DCAF8: variants seen among roughly 807,000 people sequenced by gnomAD.
The protein encoded by DCAF8 is DDB1 and CUL4 associated factor 8.
DCAF8 carries 20 observed loss-of-function variants against 68.0 expected under a neutral mutation model. The ratio of observed to expected loss-of-function variants is 0.29; its 90% CI spans 0.21 to 0.43. The LOEUF (loss-of-function observed/expected upper bound fraction) is 0.43. DCAF8 is among the 20% of genes least tolerant of loss of function. The pLI is 1.00. For synonymous variants in DCAF8, 230 were observed against 276.9 expected, an observed-to-expected ratio of 0.83 and a Z score of 1.68; for missense variants, 460 against 771.0, an observed-to-expected ratio of 0.60 and a Z score of 4.78.
In DCAF8 at chr1:160,240,105, C is replaced by CTCCTCT. The variant is rs745776382; in HGVS notation, c.309_314dup (p.Glu111_Glu112dup). On this transcript the variant is annotated inframe_insertion, in exon 4 of 14. Coordinates refer to ENST00000368074, the MANE Select transcript of DCAF8 (RefSeq NM_015726.4). Reference sequence around the variant, plus strand: ...GCTGCTCTTCTTCCTCCTCTTCTTCCTCCTCTTCCTCTTCCTCTGAGCGGT... The same window carrying CTCCTCT: ...GCTGCTCTTCTTCCTCCTCTTCTTCCTCCTCTTCCTCTTCCTCTTCCTCTGAGCGGT... 2 of 1,595,888 alleles carry CTCCTCT rather than the reference C, an allele frequency of 1.3e-6. No individual in the cohort carries two copies. Among genetic ancestry groups the CTCCTCT allele is most frequent in the South Asian group, 1.1e-5 (1 of 90,834 alleles).
chr1:160,219,141 C>G lies in DCAF8; in HGVS notation c.1441-173G>C, dbSNP rs1346429041. Reference sequence around the variant, plus strand: ...CAAAGGGCACTGAGGGTAGAGAAACCAGACACAGACTGGGTATAAGACCAG... The same window carrying G: ...CAAAGGGCACTGAGGGTAGAGAAACGAGACACAGACTGGGTATAAGACCAG... On this transcript the variant is annotated intron_variant, in intron 11 of 13. Transcript: ENST00000368074. 7 of 769,318 alleles carry G rather than the reference C, an allele frequency of 9.1e-6. No homozygotes were observed. The Admixed American group carries it at 2.1e-4, about 23-fold the overall frequency. The allele number at this position is 769,318 out of a possible 1,614,324, so 47.7% of individuals were successfully genotyped here.
At chr1:160,251,600 G>GTT (rs1451581236) in intron 2 of DCAF8, among the ~76,000 whole-genome samples, 1 of 152,088 alleles carries the variant, frequency 6.6e-6, no homozygotes, top group Non-Finnish European at 1.5e-5. Flanking sequence ...AGCCCCTCCA[G>GTT]TAGCTGGGAC....
At chr1:160,247,282 G>A (rs1413210732) in intron 2 of DCAF8, among the ~76,000 whole-genome samples, 1 of 152,178 alleles carries the variant, frequency 6.6e-6, no homozygotes, top group Admixed American at 6.5e-5. Context: ...TAACCCACTG[G>A]AGGGTGAGGA....
intron 6 of DCAF8, 127 bp from the exon 7 acceptor site, chr1:160,231,534 T>C: frequency 1.5e-6 from 1 of 672,974 alleles, no homozygotes; most frequent in Non-Finnish European, 2.6e-6. Flanking sequence ...AAAGAAAGAA[T>C]TGTTGTGTTT....
chr1:160,236,288 A>G (rs1262205415), intron 6 of DCAF8, among the ~76,000 whole-genome samples: 2 of 151,964 alleles, frequency 1.3e-5, no homozygotes, highest in South Asian at 2.1e-4. Flanking sequence ...ACATACACGT[A>G]CGTATATATA....
In DCAF8 at chr1:160,225,572, G is replaced by T; in HGVS notation, c.1143+19C>A. The T allele has an allele frequency of 6.2e-7, 1 of 1,601,774 alleles. No individual in the cohort carries two copies. The highest frequency in any genetic ancestry group is 8.6e-7 in the Non-Finnish European group (1 of 1,169,576). On this transcript the variant is annotated intron_variant, in intron 8 of 13. Transcript: ENST00000368074. ...TGAGTCAGGGAAGCCTGCAGCAACT[G>T]GCCCTTCATGAATCTTACCAGGTGA...
In DCAF8 at chr1:160,239,474, T is replaced by C. The variant is rs570536157; in HGVS notation, c.723+223A>G. 1.2e-5 allele frequency: 17 copies of C among 1,451,842 alleles called. No individual in the cohort carries two copies. The South Asian group carries it at 2.2e-4, about 18-fold the overall frequency. The allele number at this position is 1,451,842 out of a possible 1,614,324, so 89.9% of individuals were successfully genotyped here. A position where few individuals can be genotyped will look rare whatever the true frequency, so the allele number is the denominator to read the frequency against. ...ACCAGCACACATTTAATAAGCTGCA[T>C]GCACCCTACCTATGAGGCTTCCAAC... On this transcript the variant is annotated intron_variant, in intron 4 of 13. Coordinates refer to ENST00000368074, the MANE Select transcript of DCAF8 (RefSeq NM_015726.4).
chr1:160,261,671 G>A (rs1246563583), intron 1 of DCAF8: 1 of 152,194 alleles, frequency 6.6e-6, no homozygotes, highest in Non-Finnish European at 1.5e-5. Flanking sequence ...CAGAGCAGGG[G>A]GGGAAATCCC....
intron 2 of DCAF8, among the ~76,000 whole-genome samples, chr1:160,259,979 A>G (rs1215111305): frequency 1.3e-5 from 2 of 152,232 alleles, no homozygotes; most frequent in South Asian, 2.1e-4. Flanking sequence ...AAGCTGACCA[A>G]TTAAAAATCA....
chr1:160,245,824 G>A (rs552207592), intron 2 of DCAF8, among the ~76,000 whole-genome samples: 1 of 152,082 alleles, frequency 6.6e-6, no homozygotes, highest in Non-Finnish European at 1.5e-5. Flanking sequence ...TCTCCATCTA[G>A]AGTTTAAAAT....
chr1:160,239,415 T>C, intron 4 of DCAF8: 1 of 1,422,178 alleles, frequency 7.0e-7, no homozygotes, highest in Non-Finnish European at 9.2e-7. Flanking sequence ...GGCAGTTTGG[T>C]TCAAGAGCCT....
At chr1:160,221,379 AG>A (rs1476127112) in intron 11 of DCAF8, among the ~76,000 whole-genome samples, 2 of 152,238 alleles carry the variant, frequency 1.3e-5, no homozygotes, top group African/African-American at 4.8e-5. Flanking sequence ...GAAATGAAGC[AG>A]GGAAGAGTGA....
At chr1:160,251,736 TGAGATTACAGGCAC>T (rs1656607600) in intron 2 of DCAF8, among the ~76,000 whole-genome samples, 1 of 152,142 alleles carries the variant, frequency 6.6e-6, no homozygotes, top group Non-Finnish European at 1.5e-5. Context: ...CCAAAATGCT[TGAGATTACAGGCAC>T]GAGCCACTGC....
intron 2 of DCAF8, among the ~76,000 whole-genome samples, chr1:160,258,719 C>T (rs1656940132): frequency 6.6e-6 from 1 of 151,652 alleles, no homozygotes; most frequent in African/African-American, 2.4e-5. Context: ...AGTTTGAGAC[C>T]AGCCTAGGCA....
At chr1:160,224,363 T>C (rs1256114541) in intron 10 of DCAF8, 79 bp downstream of exon 10, 1 of 1,060,326 alleles carries the variant, frequency 9.4e-7, no homozygotes, top group African/African-American at 1.6e-5. Flanking sequence ...TAGTTTCTAT[T>C]TGTATAACCT....
chr1:160,230,805 G>A (rs1655651895), intron 7 of DCAF8, among the ~76,000 whole-genome samples: 1 of 151,020 alleles, frequency 6.6e-6, no homozygotes, highest in African/African-American at 2.5e-5. Context: ...AGGCTGGAGT[G>A]CAGTGGCACA....
At chr1:160,221,194 T>G (rs2101715238) in intron 11 of DCAF8, 1 of 152,364 alleles carries the variant, frequency 6.6e-6, no homozygotes, top group South Asian at 2.1e-4. Context: ...GGAGAGGGCA[T>G]TCAGCCCTGC....
intron 1 of DCAF8, 156 bp downstream of exon 1, chr1:160,262,293 G>A (rs964950607): frequency 3.3e-5 from 13 of 399,162 alleles, no homozygotes; most frequent in African/African-American, 8.2e-5. Context: ...GTCAAGGGAG[G>A]GGGGGTGTCC....
rs115059279 is a variant in DCAF8 at position 160,221,864 on chromosome 1, T to G, written c.1440+787A>C. 6.1e-3 allele frequency among the ~76,000 whole-genome samples: 917 copies of G among 151,452 alleles called. 10 individuals carry two copies. The highest frequency in any genetic ancestry group is 0.021 in the African/African-American group (861 of 41,236). ...AAGATAAGGTTAACCAGATACATCT[T>G]AAGAGCTGATTGCTCTTCATTCCCT... On this transcript the variant is annotated intron_variant, in intron 11 of 13. Coordinates refer to ENST00000368074, the MANE Select transcript of DCAF8 (RefSeq NM_015726.4).
Sources: gnomAD v4.1 joint callset for allele counts (sites outside exome capture counted in the v4.1 genomes callset) on GRCh38, gnomAD v4.1.1 for gene constraint, MANE v1.5 for transcripts, NCBI Gene and HGNC (gene_info 2026-07-23, HGNC 2026-07-21) for gene names.